CHD6: variants seen among roughly 807,000 people sequenced by gnomAD.
CHD6 encodes ATP-dependent chromatin remodeler CHD6.
In CHD6, 50 loss-of-function variants were observed where a neutral mutation model predicts 276.9. The ratio of observed to expected loss-of-function variants is 0.18; its 90% CI spans 0.14 to 0.23. The LOEUF is 0.23. CHD6 is among the 10% of genes least tolerant of loss of function. The pLI is 1.00. For missense variants in CHD6, 2,564 were observed against 3,365.8 expected (o/e 0.76, Z 5.89); for synonymous variants, 1,173 against 1,229.3 (o/e 0.95, Z 0.96).
At chr20:41,557,432 A>G (rs76410441) in intron 1 of CHD6, among the ~76,000 whole-genome samples, 5 of 151,338 alleles carry the variant, frequency 3.3e-5, no homozygotes, top group Admixed American at 6.6e-5. Context: ...TTAAATTACT[A>G]TCTCTCTCTC....
Position 41,518,712 on chromosome 20 carries a change from C to A in CHD6, c.555-3760G>T, listed in dbSNP as rs574659181. On this transcript the variant is annotated intron_variant, in intron 3 of 36. Transcript: ENST00000373233. The stretch of plus-strand genomic sequence containing the variant: ...CCATTTTAAGTTCCAAAAATTCTTT[C>A]TGGAGCTCTTCTGATAAAGTCAAGT... Among the ~76,000 whole-genome samples the A allele has an allele frequency of 9.2e-5, 14 of 152,222 alleles. No individual in the cohort carries two copies. The South Asian group carries it at 2.9e-3, about 32-fold the overall frequency.
chr20:41,528,637 T>C (rs1217875838), intron 3 of CHD6, among the ~76,000 whole-genome samples: 5 of 152,180 alleles, frequency 3.3e-5, no homozygotes, highest in East Asian at 1.9e-4. Context: ...ATCCCAGCTA[T>C]TGGGGAGACC....
chr20:41,497,599 T>C (rs752533915), intron 7 of CHD6, 98 bp from the exon 8 acceptor site: 3 of 838,270 alleles, frequency 3.6e-6, no homozygotes, highest in East Asian at 2.4e-5. Flanking sequence ...AACACAGAAA[T>C]AGTAAAATGG....
chr20:41,512,930 C>A lies in CHD6; in HGVS notation c.768G>T (p.Val256=), dbSNP rs200844843. 1.8e-5 allele frequency: 29 copies of A among 1,614,054 alleles called. No homozygotes were observed. The highest frequency in any genetic ancestry group is 2.5e-5 in the Non-Finnish European group (29 of 1,179,950). ...CAGCAATTGTTTCCCCATCATCATC[C>A]ACCACTTTGAAGTCCAGGTCCTCAT... ...KYNEDLDFKV[V]DDDGETIAVL... The change falls in exon 5 of 37, where the codon GTG becomes GTT. Residue 256 remains valine (V), a synonymous_variant. Transcript: ENST00000373233.
intron 3 of CHD6, among the ~76,000 whole-genome samples, chr20:41,522,899 A>C (rs1307866453): frequency 1.3e-5 from 2 of 152,200 alleles, no homozygotes; most frequent in Non-Finnish European, 2.9e-5. Context: ...TGATTGGTCC[A>C]GGATGGACAC....
chr20:41,481,570 G>GA (rs1215152398), intron 16 of CHD6, among the ~76,000 whole-genome samples: 1 of 151,930 alleles, frequency 6.6e-6, no homozygotes, highest in African/African-American at 2.4e-5. Context: ...TCAGAATATG[G>GA]AAAAAAGCAT....
At chr20:41,483,252 T>C in intron 16 of CHD6, 57 bp downstream of exon 16, 2 of 1,439,564 alleles carry the variant, frequency 1.4e-6, no homozygotes, top group Admixed American at 5.1e-5. Flanking sequence ...ATCAAAAAAA[T>C]ATCAAAGGAA....
At chr20:41,498,013 G>A in intron 7 of CHD6, 155 bp downstream of exon 7, 2 of 602,700 alleles carry the variant, frequency 3.3e-6, no homozygotes, top group Non-Finnish European at 6.0e-6. Context: ...CTATAATTGA[G>A]CGTTACTGCC....
At chr20:41,448,059 G>A (rs1024183877) in intron 23 of CHD6, 88 bp from the exon 24 acceptor site, 1 of 681,674 alleles carries the variant, frequency 1.5e-6, no homozygotes, top group African/African-American at 1.8e-5. Context: ...GGGAAATTCT[G>A]GGCATTCCCA....
intron 1 of CHD6, among the ~76,000 whole-genome samples, chr20:41,574,814 C>T (rs1001856059): frequency 1.3e-5 from 2 of 151,848 alleles, no homozygotes; most frequent in Admixed American, 1.3e-4. Context: ...GGTCTGGAGG[C>T]AGGGAACCTG....
intron 36 of CHD6, among the ~76,000 whole-genome samples, chr20:41,408,412 C>T (rs1000139204): frequency 2.0e-5 from 3 of 152,216 alleles, no homozygotes; most frequent in Admixed American, 6.5e-5. Context: ...ACTGGGGACG[C>T]AATTCCTGGC....
intron 14 of CHD6, among the ~76,000 whole-genome samples, chr20:41,487,127 C>A (rs1404692335): frequency 1.3e-5 from 2 of 152,150 alleles, no homozygotes; most frequent in African/African-American, 4.8e-5. Flanking sequence ...AGCTTTGAGT[C>A]CAACAAGGTA....
chr20:41,596,922 G>A (rs1201714382), intron 1 of CHD6, among the ~76,000 whole-genome samples: 1 of 152,112 alleles, frequency 6.6e-6, no homozygotes, highest in Non-Finnish European at 1.5e-5. Flanking sequence ...ATGTAAGAAG[G>A]GATAAAGAAA....
At chr20:41,521,947 C>T (rs6072403) in intron 3 of CHD6, among the ~76,000 whole-genome samples, 72,116 of 152,024 alleles carry the variant, frequency 0.47, 18,541 homozygotes, top group African/African-American at 0.68. Context: ...AATAGGAATC[C>T]ATACCAATGA....
chr20:41,535,948 A>G (rs1463712848), intron 2 of CHD6, among the ~76,000 whole-genome samples: 1 of 152,224 alleles, frequency 6.6e-6, no homozygotes, highest in East Asian at 1.9e-4. Flanking sequence ...GAAAAAGCAG[A>G]TATTAGTAAT....
At chr20:41,582,508 C>T (rs1237362096) in intron 1 of CHD6, among the ~76,000 whole-genome samples, 1 of 152,138 alleles carries the variant, frequency 6.6e-6, no homozygotes, top group African/African-American at 2.4e-5. Context: ...ACCAATGTAA[C>T]AGTAGTAGTC....
chr20:41,590,409 C>T (rs1446044212), intron 1 of CHD6, among the ~76,000 whole-genome samples: 4 of 152,166 alleles, frequency 2.6e-5, no homozygotes, highest in African/African-American at 7.2e-5. Context: ...AAAGAAACTA[C>T]CATCAGAGTG....
chr20:41,513,756 TATTTA>T (rs2044178485), intron 4 of CHD6, among the ~76,000 whole-genome samples: 1 of 152,186 alleles, frequency 6.6e-6, no homozygotes, highest in South Asian at 2.1e-4. Context: ...CACTCTCAAA[TATTTA>T]AATCTTAAAA....
chr20:41,452,961 A>C lies in CHD6; in HGVS notation c.3121-19T>G, dbSNP rs747581145. On this transcript the variant is annotated intron_variant, in intron 20 of 36. Coordinates refer to ENST00000373233, the MANE Select transcript of CHD6 (RefSeq NM_032221.5). This position sits in a 1 kb window ranked among gnomAD's most constrained non-coding sequence, Gnocchi z 4.2. ...AGCTTTCCTAGAAATGGAGAGGACT[A>C]CTGGGAAGAAAGTCCTCTTTTCTCT... 1.0e-5 allele frequency: 16 copies of C among 1,593,130 alleles called. No individual in the cohort carries two copies. Among genetic ancestry groups the C allele is most frequent in the Non-Finnish European group, 1.2e-5 (14 of 1,161,246 alleles).
Sources: allele counts gnomAD v4.1 joint callset (sites outside exome capture counted in the v4.1 genomes callset), GRCh38; gene constraint gnomAD v4.1.1; non-coding constraint Gnocchi (gnomAD v3.1); transcripts MANE v1.5; gene names NCBI Gene and HGNC (gene_info 2026-07-23, HGNC 2026-07-21).